The following SH3BGRL2 variants were observed in gnomAD, a reference collection of about 807,000 sequenced individuals.
SH3BGRL2 encodes the protein SH3 domain-binding glutamic acid-rich-like protein 2.
Under a neutral mutation model 14.8 loss-of-function variants are expected in SH3BGRL2, and 21 were observed. That is an observed-to-expected ratio of 1.42 (90% CI 1.01 to 2.05). SH3BGRL2 has a LOEUF of 2.05. Ranked by LOEUF, SH3BGRL2 falls within the 30% of genes most tolerant of loss-of-function variation. SH3BGRL2 has a pLI of 0.00. For missense variants in SH3BGRL2, 147 were observed against 130.8 expected, an observed-to-expected ratio of 1.12 and a Z score of -0.61; for synonymous variants, 50 against 47.8, an observed-to-expected ratio of 1.05 and a Z score of -0.19.
chr6:79,631,600 A>G (rs139243643), intron 1 of SH3BGRL2, 94 bp downstream of exon 1: 1 of 1,047,950 alleles, frequency 9.5e-7, no homozygotes, highest in Non-Finnish European at 1.2e-6. Flanking sequence ...CCTTGCGCTC[A>G]GCCGGTCCGC....
chr6:79,604,830 C>A, the SH3BGRL2 span, among the ~76,000 whole-genome samples: 1 of 152,202 alleles, frequency 6.6e-6, no homozygotes, highest in Non-Finnish European at 1.5e-5. Flanking sequence ...AGACCCTGGA[C>A]TTTGAGCAGA....
chr6:79,591,986 T>C, the SH3BGRL2 span, among the ~76,000 whole-genome samples: 2 of 152,136 alleles, frequency 1.3e-5, no homozygotes, highest in African/African-American at 4.8e-5. Flanking sequence ...TCTCTAAGTA[T>C]TTTTTTATGC....
At chr6:79,587,097 C>T in the SH3BGRL2 span, among the ~76,000 whole-genome samples, 15 of 152,226 alleles carry the variant, frequency 9.9e-5, no homozygotes, top group Admixed American at 1.3e-4. Context: ...GTACTTTCTA[C>T]CTGTCTTTAA....
At chr6:79,586,013 T>A in the SH3BGRL2 span, among the ~76,000 whole-genome samples, 1 of 151,954 alleles carries the variant, frequency 6.6e-6, no homozygotes, top group Admixed American at 6.5e-5. Flanking sequence ...CTGACCAACA[T>A]GGAGAAACCC....
At chr6:79,649,979 T>TCA (rs1420601382) in intron 1 of SH3BGRL2, among the ~76,000 whole-genome samples, 11 of 94,290 alleles carry the variant, frequency 1.2e-4, no homozygotes, top group African/African-American at 1.6e-4. Context: ...TCTCTCTCTC[T>TCA]CTCTCTCACA....
the SH3BGRL2 span, among the ~76,000 whole-genome samples, chr6:79,569,638 C>T: frequency 6.6e-6 from 1 of 152,166 alleles, no homozygotes; most frequent in African/African-American, 2.4e-5. Flanking sequence ...CGTTCCCATC[C>T]TGTCTTGGCC....
intron 1 of SH3BGRL2, among the ~76,000 whole-genome samples, chr6:79,663,464 A>G (rs1370132638): frequency 1.3e-5 from 2 of 152,088 alleles, no homozygotes; most frequent in Non-Finnish European, 2.9e-5. Flanking sequence ...TTGCCTGGGT[A>G]TCACCAGCAG....
At chr6:79,565,181 T>C in the SH3BGRL2 span, among the ~76,000 whole-genome samples, 1 of 152,180 alleles carries the variant, frequency 6.6e-6, no homozygotes. Context: ...TTTAAATACT[T>C]TATTCTCTGA....
chr6:79,547,207 T>C, the SH3BGRL2 span, among the ~76,000 whole-genome samples: 1 of 152,024 alleles, frequency 6.6e-6, no homozygotes, highest in Admixed American at 6.5e-5. Flanking sequence ...TGGTTCTCTA[T>C]GACCTTAAAG....
chr6:79,680,893 G>A (rs1769976324), intron 2 of SH3BGRL2, among the ~76,000 whole-genome samples: 1 of 152,158 alleles, frequency 6.6e-6, no homozygotes, highest in South Asian at 2.1e-4. Flanking sequence ...AAACACAACT[G>A]ATTTTTTTGT....
chr6:79,686,965 T>C (rs1456214277), intron 2 of SH3BGRL2, among the ~76,000 whole-genome samples: 1 of 152,146 alleles, frequency 6.6e-6, no homozygotes, highest in Non-Finnish European at 1.5e-5. Flanking sequence ...TTTCTGTGTC[T>C]GATGTGGGGT....
intron 2 of SH3BGRL2, among the ~76,000 whole-genome samples, chr6:79,692,997 T>C (rs895412090): frequency 4.6e-5 from 7 of 152,180 alleles, no homozygotes; most frequent in African/African-American, 1.7e-4. Context: ...GAGCATGGAA[T>C]GTTCTTCCAT....
the SH3BGRL2 span, among the ~76,000 whole-genome samples, chr6:79,601,656 A>G: frequency 6.6e-6 from 1 of 152,194 alleles, no homozygotes; most frequent in South Asian, 2.1e-4. Flanking sequence ...CTCACTTGAT[A>G]TAGTCCTCAG....
the SH3BGRL2 span, among the ~76,000 whole-genome samples, chr6:79,572,760 T>C: frequency 1.9e-3 from 286 of 152,314 alleles, no homozygotes; most frequent in Non-Finnish European, 3.2e-3. Context: ...CCACTGCGCC[T>C]GGCCTATTTT....
At chr6:79,640,134 G>C (rs1167277674) in intron 1 of SH3BGRL2, among the ~76,000 whole-genome samples, 2 of 152,120 alleles carry the variant, frequency 1.3e-5, no homozygotes, top group African/African-American at 4.8e-5. Context: ...GTGGCTTGGA[G>C]GAGTAGGGCA....
At chr6:79,614,581 C>T in the SH3BGRL2 span, among the ~76,000 whole-genome samples, 1 of 152,136 alleles carries the variant, frequency 6.6e-6, no homozygotes, top group African/African-American at 2.4e-5. Context: ...GGGAGGCAGA[C>T]ATGACAGATG....
the SH3BGRL2 span, chr6:79,553,152 A>C: frequency 4.6e-5 from 7 of 152,238 alleles, no homozygotes; most frequent in African/African-American, 1.7e-4. Flanking sequence ...ATGCAGAAAG[A>C]AAACACAGGG....
At chr6:79,659,175 G>A (rs1337566683) in intron 1 of SH3BGRL2, among the ~76,000 whole-genome samples, 1 of 152,116 alleles carries the variant, frequency 6.6e-6, no homozygotes, top group Non-Finnish European at 1.5e-5. Context: ...GGCTTTTGTT[G>A]CCATTACTTT....
intron 2 of SH3BGRL2, among the ~76,000 whole-genome samples, chr6:79,674,196 A>G (rs1347785722): frequency 6.6e-6 from 1 of 152,104 alleles, no homozygotes; most frequent in Admixed American, 6.6e-5. Flanking sequence ...TGATTAATAC[A>G]TTTTAGGGGG....
Sources: allele counts gnomAD v4.1 joint callset (sites outside exome capture counted in the v4.1 genomes callset), GRCh38; gene constraint gnomAD v4.1.1; transcripts MANE v1.5; gene names NCBI Gene and HGNC (gene_info 2026-07-23, HGNC 2026-07-21).